The following ADGRE2 variants were observed in gnomAD, a reference collection of about 807,000 sequenced individuals.
ADGRE2 encodes the protein CD97 antigen.
A neutral mutation model predicts 100.8 loss-of-function variants in ADGRE2; 83 were observed. That is an observed-to-expected ratio of 0.82 (90% CI 0.69 to 0.99). The LOEUF is 0.99. Among genes scored for constraint, ADGRE2 ranks in the 50% least tolerant of loss-of-function variants. The pLI is 0.00. For missense variants in ADGRE2, 814 were observed against 1,035.7 expected, an observed-to-expected ratio of 0.79 and a Z score of 2.94; for synonymous variants, 355 against 413.0, an observed-to-expected ratio of 0.86 and a Z score of 1.70.
Position 14,751,510 on chromosome 19 carries a change from C to A in ADGRE2, c.1950G>T (p.Val650=). ...NRFMKKLMFP[V]GYGVPAVTVA... ...CTGTCACAGCTGGGACTCCGTAGCC[C>A]ACAGGGAACATGAGCTTCTTCATGA... is the stretch of plus-strand genomic sequence containing the variant. Residue 650 remains valine (V), a synonymous_variant, in exon 16 of 21, where the codon GTG becomes GTT. Transcript: ENST00000315576. The A allele has an allele frequency of 6.2e-7, 1 of 1,614,062 alleles. No individual in the cohort carries two copies. The highest frequency in any genetic ancestry group is 1.3e-5 in the African/African-American group (1 of 74,998).
chr19:14,751,254 T>C lies in ADGRE2; in HGVS notation c.2024+182A>G, dbSNP rs1282754698. On this transcript the variant is annotated intron_variant, in intron 16 of 20. Transcript: ENST00000315576. ...AAAACCCTCTTCTACAATGCCTAGC[T>C]TGAAATGTAATTGAAATAAACTCAA... Among the ~76,000 whole-genome samples the C allele has an allele frequency of 3.3e-5, 5 of 152,178 alleles. No individual in the cohort carries two copies. The South Asian group carries it at 8.3e-4, about 25-fold the overall frequency.
At chr19:14,744,454 T>TTTTA in intron 18 of ADGRE2, among the ~76,000 whole-genome samples, 1 of 152,094 alleles carries the variant, frequency 6.6e-6, no homozygotes, top group South Asian at 2.1e-4. Context: ...TTATTTTTAT[T>TTTTA]TTTATTTATT....
At position 14,768,196 on chromosome 19, in the gene ADGRE2, GCACA is replaced by G. The variant is rs201609099; in HGVS notation, c.356-1091_356-1088del. 8.2e-3 allele frequency among the ~76,000 whole-genome samples: 1,249 copies of G among 152,292 alleles called. 18 individuals carry two copies. The highest frequency in any genetic ancestry group is 0.028 in the African/African-American group (1,184 of 41,572). On this transcript the variant is annotated intron_variant, in intron 5 of 20. Coordinates refer to ENST00000315576, the MANE Select transcript of ADGRE2 (RefSeq NM_013447.4). ...ACTAGCTCTGAGAGCCCAGCTCCAG[GCACA>G]TGGACCAAGACTGGCCCCTGAGCCA...
At chr19:14,742,596 C>T (rs2042964414) in intron 20 of ADGRE2, among the ~76,000 whole-genome samples, 1 of 152,218 alleles carries the variant, frequency 6.6e-6, no homozygotes, top group African/African-American at 2.4e-5. Flanking sequence ...GCACTGCCCA[C>T]TACCCACTAC....
downstream of ADGRE2, among the ~76,000 whole-genome samples, chr19:14,729,835 C>T (rs1234542379): frequency 6.6e-6 from 1 of 152,116 alleles, no homozygotes; most frequent in Admixed American, 6.5e-5. Flanking sequence ...TCTGGTTATT[C>T]CCCAATGTAT....
chr19:14,726,474 C>T, the ADGRE2 span, among the ~76,000 whole-genome samples: 54,001 of 152,038 alleles, frequency 0.36, 10,140 homozygotes, highest in East Asian at 0.58. Context: ...TCCTTCTTTA[C>T]CGCATGGCCA....
intron 11 of ADGRE2, among the ~76,000 whole-genome samples, chr19:14,763,657 C>T (rs924023483): frequency 3.4e-5 from 4 of 118,864 alleles, no homozygotes; most frequent in African/African-American, 9.7e-5. Context: ...CGCTCTTTCT[C>T]GTCTCCTCCT....
chr19:14,760,618 C>CAA (rs926219169), intron 11 of ADGRE2, among the ~76,000 whole-genome samples: 1 of 141,452 alleles, frequency 7.1e-6, no homozygotes, highest in African/African-American at 2.6e-5. Context: ...GCCATCTAAA[C>CAA]AAAAAAAAAA....
chr19:14,764,956 G>C (rs1335704314), intron 10 of ADGRE2, among the ~76,000 whole-genome samples: 1 of 152,158 alleles, frequency 6.6e-6, no homozygotes, highest in Non-Finnish European at 1.5e-5. Context: ...GGCAGAGACT[G>C]CAGTGAGCTG....
rs762288277 is a variant in ADGRE2 at position 14,746,264 on chromosome 19, G to C, written c.2151C>G (p.Leu717=). 6.2e-7 allele frequency: 1 copy of C among 1,610,246 alleles called. No individual in the cohort carries two copies. The highest frequency in any genetic ancestry group is 8.5e-7 in the Non-Finnish European group (1 of 1,176,672). ...TCCGGAGGGTGGACACTTCACTATT[G>C]AGGGAGGAGAGTCTGTTTTTCAAAA... ...LWILKNRLSS[L]NSEVSTLRNT... The change falls in exon 18 of 21, where the codon CTC becomes CTG. Residue 717 remains leucine, a synonymous_variant. Transcript: ENST00000315576.
At position 14,739,871 on chromosome 19, in the gene ADGRE2, C is replaced by T. The variant is rs552772329; in HGVS notation, c.2463+3549G>A. Among the ~76,000 whole-genome samples the T allele has an allele frequency of 9.7e-4, 148 of 152,216 alleles. 1 individual carries two copies. Among genetic ancestry groups the T allele is most frequent in the Non-Finnish European group, 1.8e-3 (124 of 68,004 alleles). On this transcript the variant is annotated intron_variant, in intron 20 of 20. Transcript: ENST00000315576. ...ATCCCAGCACTTTGGGAGGCCAAGG[C>T]GGGCAGATGGCTTGAGGCCAGGAGT...
intron 4 of ADGRE2, among the ~76,000 whole-genome samples, chr19:14,773,078 C>T: frequency 1.9e-5 from 1 of 52,170 alleles, no homozygotes; most frequent in South Asian, 6.6e-4. Context: ...GAGACTCCAT[C>T]TCAAAAAAAA....
At position 14,774,439 on chromosome 19, in the gene ADGRE2, G is replaced by A. The variant is rs1426032828; in HGVS notation, c.32-133C>T. On this transcript the variant is annotated intron_variant, in intron 2 of 20. Coordinates refer to ENST00000315576, the MANE Select transcript of ADGRE2 (RefSeq NM_013447.4). ...ATCCTGCCCATCGTTCAAACAGAGT[G>A]AGCAGATGTCACGTCCCACTCGGAT... is the stretch of plus-strand genomic sequence containing the variant. 5 of 1,487,834 alleles carry A rather than the reference G, an allele frequency of 3.4e-6. 1 individual carries two copies. Among genetic ancestry groups the A allele is most frequent in the Admixed American group, 2.0e-5 (1 of 49,578 alleles). 92.2% of individuals were successfully genotyped at this position (1,487,834 alleles called of 1,614,324 possible). A position where few individuals can be genotyped will look rare whatever the true frequency, so the allele number is the denominator to read the frequency against.
downstream of ADGRE2, chr19:14,731,333 A>C (rs2147052244): frequency 1.3e-6 from 1 of 769,392 alleles, no homozygotes; most frequent in East Asian, 2.7e-5. Flanking sequence ...TGGACTTTCA[A>C]ACTTCCAGTT....
chr19:14,774,993 T>C (rs1392083213), intron 2 of ADGRE2, among the ~76,000 whole-genome samples: 1 of 125,274 alleles, frequency 8.0e-6, no homozygotes, highest in Non-Finnish European at 1.8e-5. Context: ...TAAAATGATT[T>C]ATTTATTTTT....
Position 14,751,629 on chromosome 19 carries a change from G to T in ADGRE2, c.1831C>A (p.Leu611Met). 1 of 1,614,082 alleles carries T rather than the reference G, an allele frequency of 6.2e-7. No homozygotes were observed. The highest frequency in any genetic ancestry group is 8.5e-7 in the Non-Finnish European group (1 of 1,180,010). ...AGCAGCATCCAGGTCAAGGTGGCCA[G>T]GTAGAGATAGTGCAAGGTACCGGCG... is the stretch of plus-strand genomic sequence containing the variant. ...IIAGTLHYLY[L>M]ATLTWMLLEA... Residue 611 changes from leucine (L) to methionine (M), a missense_variant, in exon 16 of 21, where the codon CTG (leucine) becomes ATG (methionine). By Grantham distance (15) the Leu-to-Met change is conservative (BLOSUM62 2). This residue lies in a region of ADGRE2 where 569 missense variants were observed against 692.7 expected (regional missense o/e 0.82). Coordinates refer to ENST00000315576, the MANE Select transcript of ADGRE2 (RefSeq NM_013447.4).
chr19:14,775,951 C>A (rs1212206179), intron 2 of ADGRE2, among the ~76,000 whole-genome samples: 4 of 151,904 alleles, frequency 2.6e-5, no homozygotes, highest in Non-Finnish European at 4.4e-5. Flanking sequence ...GGTGCACACA[C>A]ACCACAACCG....
chr19:14,744,959 G>A lies in ADGRE2; in HGVS notation c.2184-1175C>T, dbSNP rs559996300. ...GGCTGGAGTGCAGTGGCGCAATCTC[G>A]GCTCACTGCAACCTCTGCCTCTCAG... On this transcript the variant is annotated intron_variant, in intron 18 of 20. Coordinates refer to ENST00000315576, the MANE Select transcript of ADGRE2 (RefSeq NM_013447.4). Among the ~76,000 whole-genome samples, 10 of 151,908 alleles carry A rather than the reference G, an allele frequency of 6.6e-5. No homozygotes were observed. The South Asian group carries it at 8.3e-4, about 13-fold the overall frequency.
intron 12 of ADGRE2, 73 bp downstream of exon 12, chr19:14,756,165 T>C: frequency 2.5e-6 from 3 of 1,183,548 alleles, no homozygotes; most frequent in Non-Finnish European, 2.5e-6. Flanking sequence ...TTTAAATTTC[T>C]TATTTTTCAC....
Sources: gnomAD v4.1 joint callset for allele counts (sites outside exome capture counted in the v4.1 genomes callset) on GRCh38, gnomAD v4.1.1 for gene constraint, gnomAD v4.1.1 regional missense constraint, MANE v1.5 for transcripts, NCBI Gene and HGNC (gene_info 2026-07-23, HGNC 2026-07-21) for gene names.